IL1RAPL1: variants seen among roughly 807,000 people sequenced by gnomAD.
IL1RAPL1 encodes interleukin 1 receptor accessory protein like 1.
Under a neutral mutation model 48.4 loss-of-function variants are expected in IL1RAPL1, and 3 were observed. The observed-to-expected ratio is 0.06, with a 90% confidence interval of 0.03 to 0.16. The LOEUF (loss-of-function observed/expected upper bound fraction) is 0.16. Ranked by LOEUF, IL1RAPL1 falls within the 10% of genes least tolerant of loss-of-function variation. The pLI is 1.00. For synonymous variants in IL1RAPL1, 185 were observed against 187.7 expected, an observed-to-expected ratio of 0.99 and a Z score of 0.12; for missense variants, 349 against 530.6, an observed-to-expected ratio of 0.66 and a Z score of 3.36.
chrX:29,210,242 A>T (rs904213448), intron 2 of IL1RAPL1, among the ~76,000 whole-genome samples: 3 of 112,296 alleles, frequency 2.7e-5, no homozygotes, highest in African/African-American at 9.7e-5. Flanking sequence ...ACAGAATGAA[A>T]ATGTCAAAAA....
Position 29,186,978 on chromosome X carries a change from G to C in IL1RAPL1, c.83-95960G>C, listed in dbSNP as rs7877425. Among the ~76,000 whole-genome samples the C allele has an allele frequency of 4.0e-3, 444 of 110,753 alleles. 5 individuals carry two copies. The highest frequency in any genetic ancestry group is 0.014 in the African/African-American group (433 of 30,478). On this transcript the variant is annotated intron_variant, in intron 2 of 10. Coordinates refer to ENST00000378993, the MANE Select transcript of IL1RAPL1 (RefSeq NM_014271.4). ...ACACACTCGAGCCTGTTGGAGTTGG[G>C]GGGGAGGGAGAGCATCAGGAAGAAT...
chrX:29,892,304 G>A (rs1014813611), intron 6 of IL1RAPL1, among the ~76,000 whole-genome samples: 2 of 112,037 alleles, frequency 1.8e-5, no homozygotes, highest in African/African-American at 6.5e-5. Flanking sequence ...CGAGCATAAA[G>A]TGAACCCTCA....
In IL1RAPL1 at chrX:28,601,292, G is replaced by A. The variant is rs193116122; in HGVS notation, c.-25+13245G>A. 3.6e-5 allele frequency among the ~76,000 whole-genome samples: 4 copies of A among 110,628 alleles called. No homozygotes were observed. In the East Asian group the frequency reaches 8.5e-4, roughly 24 times the overall value. On this transcript the variant is annotated intron_variant, in intron 1 of 10. Transcript: ENST00000378993. ...AATAATTAGCTGGGCGTGGTGGCGC[G>A]TGCCTGTAGTACCAGCTACTCTAAC...
chrX:29,863,445 T>G (rs1931631269), intron 6 of IL1RAPL1, among the ~76,000 whole-genome samples: 1 of 111,524 alleles, frequency 9.0e-6, no homozygotes, highest in Non-Finnish European at 1.9e-5. Flanking sequence ...GCAAATCCCC[T>G]GACCTACATG....
chrX:28,884,590 C>G (rs1027236014), intron 2 of IL1RAPL1, among the ~76,000 whole-genome samples: 6 of 111,741 alleles, frequency 5.4e-5, no homozygotes, highest in Non-Finnish European at 1.1e-4. Flanking sequence ...GGAATAATAT[C>G]ACAGAATCCC....
intron 6 of IL1RAPL1, among the ~76,000 whole-genome samples, chrX:29,701,537 T>G (rs776205186): frequency 5.4e-5 from 6 of 112,126 alleles, no homozygotes; most frequent in African/African-American, 1.9e-4. Flanking sequence ...GGAGGAAGCT[T>G]CAAAGTGGAT....
At chrX:29,614,519 C>A (rs1924217098) in intron 5 of IL1RAPL1, among the ~76,000 whole-genome samples, 1 of 112,172 alleles carries the variant, frequency 8.9e-6, no homozygotes, top group African/African-American at 3.2e-5. Context: ...ATGAGAAAGA[C>A]AAATTGACTG....
chrX:29,161,229 C>G (rs1171638919), intron 2 of IL1RAPL1, among the ~76,000 whole-genome samples: 1 of 111,309 alleles, frequency 9.0e-6, no homozygotes, highest in Non-Finnish European at 1.9e-5. Flanking sequence ...TAAAATGAGG[C>G]AATCAATTAC....
At chrX:29,219,708 A>C (rs1274152274) in intron 2 of IL1RAPL1, among the ~76,000 whole-genome samples, 1 of 111,675 alleles carries the variant, frequency 9.0e-6, no homozygotes, top group Admixed American at 9.6e-5. Flanking sequence ...TCACCTGTAT[A>C]AGAACCATCA....
At chrX:29,824,728 C>T (rs961742024) in intron 6 of IL1RAPL1, among the ~76,000 whole-genome samples, 14 of 111,607 alleles carry the variant, frequency 1.3e-4, no homozygotes, top group Admixed American at 7.6e-4. Flanking sequence ...GAGGGTTAAA[C>T]GCATGACCTA....
At chrX:28,743,963 T>C (rs1935941373) in intron 1 of IL1RAPL1, among the ~76,000 whole-genome samples, 1 of 111,005 alleles carries the variant, frequency 9.0e-6, no homozygotes, top group Admixed American at 9.8e-5. Context: ...TTTGCTAACC[T>C]TTTTTAATAA....
chrX:29,400,343 A>T (rs767087614), intron 5 of IL1RAPL1, among the ~76,000 whole-genome samples: 1 of 112,664 alleles, frequency 8.9e-6, no homozygotes, highest in East Asian at 2.8e-4. Context: ...GGTAATATGT[A>T]TGACATAAAT....
chrX:29,113,604 C>T (rs1928617444), intron 2 of IL1RAPL1, among the ~76,000 whole-genome samples: 2 of 111,729 alleles, frequency 1.8e-5, no homozygotes, highest in African/African-American at 6.5e-5. Context: ...TCTTATATCA[C>T]TTTTGTTGGA....
In IL1RAPL1 at chrX:29,362,623, C is replaced by T. The variant is rs1233343184; in HGVS notation, c.363-33635C>T. On this transcript the variant is annotated intron_variant, in intron 3 of 10. Transcript: ENST00000378993. ...TTTGATTCCCAATTCTGAGGGTCTC[C>T]TGTAGGGGTGTTTGATTTGAGACTC... Among the ~76,000 whole-genome samples the T allele has an allele frequency of 6.3e-5, 7 of 111,624 alleles. 1 individual carries two copies. Among genetic ancestry groups the T allele is most frequent in the Non-Finnish European group, 1.3e-4 (7 of 53,119 alleles).
intron 6 of IL1RAPL1, among the ~76,000 whole-genome samples, chrX:29,699,493 G>C (rs1247874179): frequency 5.3e-5 from 6 of 112,244 alleles, no homozygotes; most frequent in Non-Finnish European, 9.4e-5. Context: ...AGCCAAATGA[G>C]GAGACAGTTC....
At chrX:28,748,734 TTCAAA>T (rs1936007278) in intron 1 of IL1RAPL1, among the ~76,000 whole-genome samples, 2 of 111,703 alleles carry the variant, frequency 1.8e-5, no homozygotes, top group Non-Finnish European at 1.9e-5. Context: ...TTGTGTAATG[TTCAAA>T]TCAATGTACT....
chrX:29,486,129 C>T (rs1434688821), intron 5 of IL1RAPL1, among the ~76,000 whole-genome samples: 2 of 110,841 alleles, frequency 1.8e-5, no homozygotes, highest in African/African-American at 6.6e-5. Flanking sequence ...TCAGCAATAC[C>T]GACCTGTTGC....
intron 3 of IL1RAPL1, among the ~76,000 whole-genome samples, chrX:29,334,191 G>A (rs1287178713): frequency 1.3e-5 from 1 of 75,228 alleles, no homozygotes; most frequent in Non-Finnish European, 2.6e-5. Flanking sequence ...GGCCGGCCGG[G>A]CGGGGGGCTG....
In IL1RAPL1 at chrX:28,673,459, C is replaced by T. The variant is rs759919060; in HGVS notation, c.-25+85412C>T. 4.5e-5 allele frequency among the ~76,000 whole-genome samples: 5 copies of T among 112,157 alleles called. No homozygotes were observed. In the South Asian group the frequency reaches 1.8e-3, roughly 41 times the overall value. The stretch of plus-strand genomic sequence containing the variant: ...GGGCAAAGATTTCATAATGAAGACA[C>T]CAAAAGTAATTGCAACTAAAGCAAA... On this transcript the variant is annotated intron_variant, in intron 1 of 10. Coordinates refer to ENST00000378993, the MANE Select transcript of IL1RAPL1 (RefSeq NM_014271.4).
Sources: gnomAD v4.1 joint callset for allele counts (sites outside exome capture counted in the v4.1 genomes callset) on GRCh38, gnomAD v4.1.1 for gene constraint, MANE v1.5 for transcripts, NCBI Gene and HGNC (gene_info 2026-07-23, HGNC 2026-07-21) for gene names.